BICRA: variants seen among roughly 807,000 people sequenced by gnomAD.
BICRA encodes BRD4-interacting chromatin-remodeling complex-associated protein.
A neutral mutation model predicts 96.9 loss-of-function variants in BICRA; 31 were observed. The ratio of observed to expected loss-of-function variants is 0.32; its 90% CI spans 0.24 to 0.43. BICRA has a LOEUF of 0.43. Among genes scored for constraint, BICRA ranks in the 20% least tolerant of loss-of-function variants. The pLI is 1.00. For missense variants in BICRA, 2,283 were observed against 2,190.3 expected (o/e 1.04, Z -0.84); for synonymous variants, 1,350 against 1,071.8 (o/e 1.26, Z -5.07).
intron 7 of BICRA, among the ~76,000 whole-genome samples, chr19:47,685,739 CTCTGTG>C (rs1275944800): frequency 1.4e-4 from 14 of 97,360 alleles, no homozygotes; most frequent in Admixed American, 6.9e-4. Flanking sequence ...ATTTGGCAGC[CTCTGTG>C]TGTGTGTGTG....
Position 47,685,780 on chromosome 19 carries a change from TGTGTGTGC to T in BICRA, c.2283+3630_2283+3637del, listed in dbSNP as rs1253063364. ...GTGTGTGTGTGTGTGTGTGTGTGTG[TGTGTGTGC>T]GCGCGCGCGCGCATGCGTACATTTT... On this transcript the variant is annotated intron_variant, in intron 7 of 14. Transcript: ENST00000594866. Among the ~76,000 whole-genome samples, 173 of 131,288 alleles carry T rather than the reference TGTGTGTGC, an allele frequency of 1.3e-3. 1 individual carries two copies. The highest frequency in any genetic ancestry group is 4.4e-3 in the African/African-American group (148 of 33,542). 86.1% of individuals were successfully genotyped at this position (131,288 alleles called of 152,430 possible). A position where few individuals can be genotyped will look rare whatever the true frequency, so the allele number is the denominator to read the frequency against.
intron 1 of BICRA, among the ~76,000 whole-genome samples, chr19:47,667,408 T>G (rs890978899): frequency 6.6e-6 from 1 of 152,134 alleles, no homozygotes; most frequent in African/African-American, 2.4e-5. Context: ...AAATTCACCC[T>G]CGGGACTGGT....
chr19:47,615,339 A>G (rs1241148627), intron 1 of BICRA, among the ~76,000 whole-genome samples: 2 of 152,056 alleles, frequency 1.3e-5, no homozygotes, highest in African/African-American at 4.8e-5. Flanking sequence ...ATGTGATCCC[A>G]CCTGTCGCCC....
rs1034314603 is a variant in BICRA, at chr19:47,701,284, T to A, written c.3596-44T>A. ...AGCTCCTCCCAGCTCGGTCGGGGGGTCCTCATCCTAACCCCGCGGGTTTTC... is the reference window on the plus strand; with the variant it reads ...AGCTCCTCCCAGCTCGGTCGGGGGGACCTCATCCTAACCCCGCGGGTTTTC... On this transcript the variant is annotated intron_variant, in intron 14 of 14. Coordinates refer to ENST00000594866, the MANE Select transcript of BICRA (RefSeq NM_001394372.1). The surrounding 1 kb of genome is among the most constrained non-coding windows in gnomAD (Gnocchi z 5.4). The A allele has an allele frequency of 4.2e-6, 6 of 1,420,176 alleles. No individual in the cohort carries two copies. Among genetic ancestry groups the A allele is most frequent in the Non-Finnish European group, 5.9e-6 (6 of 1,018,124 alleles). The allele number at this position is 1,420,176 out of a possible 1,614,324, so 88.0% of individuals were successfully genotyped here. A position where few individuals can be genotyped will look rare whatever the true frequency, so the allele number is the denominator to read the frequency against.
intron 1 of BICRA, among the ~76,000 whole-genome samples, chr19:47,620,226 G>GT (rs1484720951): frequency 6.6e-6 from 1 of 152,188 alleles, no homozygotes; most frequent in African/African-American, 2.4e-5. Context: ...GGAGGGCTGT[G>GT]TTTCCTGTGT....
intron 1 of BICRA, chr19:47,626,371 C>A (rs1018751238): frequency 5.9e-5 from 9 of 152,478 alleles, no homozygotes; most frequent in African/African-American, 2.2e-4. Context: ...TGGTCTGCTT[C>A]CTGGATGGAG....
At chr19:47,674,219 T>C (rs1056604454) in intron 4 of BICRA, among the ~76,000 whole-genome samples, 5 of 149,540 alleles carry the variant, frequency 3.3e-5, no homozygotes, top group African/African-American at 1.2e-4. Flanking sequence ...GGGAGAGAGC[T>C]TGGCATGGTT....
Position 47,701,946 on chromosome 19 carries a change from C to T in BICRA, c.4214C>T (p.Pro1405Leu). Reference sequence around the variant, plus strand: ...GGCCCTGGCGCGCCGGAGGGGACGCCCGCAGGCAGGGCACGGGGAGGCAGC... The same window carrying T: ...GGCCCTGGCGCGCCGGAGGGGACGCTCGCAGGCAGGGCACGGGGAGGCAGC... The part of the protein sequence containing the change: ...VGGPGAPEGT[P>L]AGRARGGSPA... The change falls in exon 15 of 15, where the codon CCC (proline) becomes CTC (leucine). Residue 1405 changes from proline (P) to leucine (L), a missense_variant. Physicochemically the swap from Pro to Leu is moderately conservative, Grantham distance 98 (BLOSUM62 -3). Coordinates refer to ENST00000594866, the MANE Select transcript of BICRA (RefSeq NM_001394372.1). The surrounding 1 kb of genome is among the most constrained non-coding windows in gnomAD (Gnocchi z 5.4). 1 of 1,443,820 alleles carries T rather than the reference C, an allele frequency of 6.9e-7. No homozygotes were observed. The allele number at this position is 1,443,820 out of a possible 1,614,324, so 89.4% of individuals were successfully genotyped here.
At position 47,680,322 on chromosome 19, in the gene BICRA, G is replaced by C. The variant is rs749349901; in HGVS notation, c.1152G>C (p.Pro384=). The C allele has an allele frequency of 6.5e-7, 1 of 1,540,526 alleles. No individual in the cohort carries two copies. The highest frequency in any genetic ancestry group is 1.2e-5 in the South Asian group (1 of 84,260). Residue 384 remains proline, a synonymous_variant, in exon 6 of 15, where the codon CCG becomes CCC. Transcript: ENST00000594866. ...AGATLTIQGE[P]GALPQQPKAP... is the part of the protein sequence containing the mutation. ...CCACGCTCACCATCCAGGGCGAGCC[G>C]GGGGCGCTCCCGCAGCAGCCCAAGG... is the stretch of plus-strand genomic sequence containing the variant.
At chr19:47,656,303 C>A (rs778212776) in intron 1 of BICRA, among the ~76,000 whole-genome samples, 1 of 152,006 alleles carries the variant, frequency 6.6e-6, no homozygotes, top group African/African-American at 2.4e-5. Context: ...AGAAAATACA[C>A]GTATTAGAGA....
Position 47,701,299 on chromosome 19 carries a change from C to G in BICRA, c.3596-29C>G, listed in dbSNP as rs1406428423. 10 of 1,571,468 alleles carry G rather than the reference C, an allele frequency of 6.4e-6. No homozygotes were observed. The Admixed American group carries it at 1.3e-4, about 21-fold the overall frequency. ...GGTCGGGGGGTCCTCATCCTAACCC[C>G]GCGGGTTTTCTTTGCCCCGATTCTG... On this transcript the variant is annotated intron_variant, in intron 14 of 14. Coordinates refer to ENST00000594866, the MANE Select transcript of BICRA (RefSeq NM_001394372.1). The surrounding 1 kb of genome is among the most constrained non-coding windows in gnomAD (Gnocchi z 5.4).
chr19:47,691,201 G>T (rs368395276), intron 7 of BICRA, among the ~76,000 whole-genome samples: 33 of 152,218 alleles, frequency 2.2e-4, no homozygotes, highest in African/African-American at 8.0e-4. Flanking sequence ...TCCTCAGTGG[G>T]CCTCTCCAAA....
At chr19:47,679,280 C>T (rs1972988490) in intron 5 of BICRA, 41 bp from the exon 6 acceptor site, 2 of 1,399,566 alleles carry the variant, frequency 1.4e-6, no homozygotes, top group South Asian at 3.4e-5. Context: ...TAGCCCCTTG[C>T]TAACCTCAGC....
chr19:47,610,142 G>A (rs572098623), intron 1 of BICRA, among the ~76,000 whole-genome samples: 1 of 152,362 alleles, frequency 6.6e-6, no homozygotes, highest in South Asian at 2.1e-4. Flanking sequence ...TGGGCCTGCG[G>A]CCTCCCCGGG....
chr19:47,616,881 T>G (rs896555681), intron 1 of BICRA, among the ~76,000 whole-genome samples: 23 of 151,842 alleles, frequency 1.5e-4, no homozygotes, highest in African/African-American at 5.5e-4. Context: ...CAGGCTGGAG[T>G]ACAGTGGTGT....
chr19:47,681,420 C>G (rs868817702), intron 6 of BICRA, 144 bp downstream of exon 6: 4 of 760,600 alleles, frequency 5.3e-6, no homozygotes. Context: ...CACAGGTGGC[C>G]CCTAAGAGGA....
chr19:47,643,015 G>C (rs1224459008), intron 1 of BICRA, among the ~76,000 whole-genome samples: 1 of 152,230 alleles, frequency 6.6e-6, no homozygotes, highest in Non-Finnish European at 1.5e-5. Flanking sequence ...CTCGCTCCAG[G>C]CTGGAGTGCA....
intron 1 of BICRA, among the ~76,000 whole-genome samples, chr19:47,643,694 C>T (rs114210441): frequency 0.021 from 3,207 of 152,270 alleles, 97 homozygotes; most frequent in African/African-American, 0.069. Flanking sequence ...TTGCTTTTCT[C>T]GTGGTGGCCC....
Position 47,698,592 on chromosome 19 carries a change from C to CCCCCCCCCCCCCTGTGTGGGCT in BICRA, c.3249-41_3249-40insCCCCCCCCCCCTGTGTGGGCTC. ...TTCCCCTGGCCCTCACCCGTCCCCCCCACCCTCCGCCGTGTGTGGTCTCTC... is the reference window on the plus strand; with the variant it reads ...TTCCCCTGGCCCTCACCCGTCCCCCCCCCCCCCCCCCCTGTGTGGGCTCACCCTCCGCCGTGTGTGGTCTCTC... On this transcript the variant is annotated intron_variant, in intron 11 of 14. Coordinates refer to ENST00000594866, the MANE Select transcript of BICRA (RefSeq NM_001394372.1). The surrounding 1 kb of genome is among the most constrained non-coding windows in gnomAD (Gnocchi z 4.8). 1.1e-6 allele frequency: 1 copy of CCCCCCCCCCCCCTGTGTGGGCT among 888,376 alleles called. No individual in the cohort carries two copies. The highest frequency in any genetic ancestry group is 1.9e-6 in the Non-Finnish European group (1 of 531,106). The allele number at this position is 888,376 out of a possible 1,614,324, so 55.0% of individuals were successfully genotyped here.
Sources: allele counts gnomAD v4.1 joint callset (sites outside exome capture counted in the v4.1 genomes callset), GRCh38; gene constraint gnomAD v4.1.1; non-coding constraint Gnocchi (gnomAD v3.1); transcripts MANE v1.5; gene names NCBI Gene and HGNC (gene_info 2026-07-23, HGNC 2026-07-21).